Variants in ZNF155 observed in about 807,000 individuals in gnomAD.
The protein encoded by ZNF155 is zinc finger protein 155.
A neutral mutation model predicts 11.9 loss-of-function variants in ZNF155; 15 were observed. The ratio of observed to expected loss-of-function variants is 1.26; its 90% CI spans 0.84 to 1.94. The LOEUF is 1.94. ZNF155 is among the 30% of genes most tolerant of loss of function. The pLI, the probability that ZNF155 is intolerant of heterozygous loss-of-function variation, is 0.00. For synonymous variants in ZNF155, 212 were observed against 219.9 expected (o/e 0.96, Z 0.32); for missense variants, 602 against 639.1 (o/e 0.94, Z 0.63).
At chr19:43,992,068 G>A (rs1975685328) in intron 4 of ZNF155, 134 bp downstream of exon 4, 1 of 815,986 alleles carries the variant, frequency 1.2e-6, no homozygotes. Flanking sequence ...CTTCCAGTTG[G>A]TGGCCCTGTT....
chr19:43,989,923 G>C, intron 2 of ZNF155: 2 of 682,680 alleles, frequency 2.9e-6, no homozygotes, highest in Non-Finnish European at 4.4e-6. Context: ...AAAGGCCAAT[G>C]TAAAAGGAGA....
Position 43,991,946 on chromosome 19 carries a change from G to A in ZNF155, c.235+12G>A. On this transcript the variant is annotated intron_variant, in intron 4 of 4. Transcript: ENST00000270014. ...AGAAGGGAATTCAGGTAAGAACTAA[G>A]CATCTGTGTGTCCTTGTACCTGACT... The A allele has an allele frequency of 3.1e-6, 5 of 1,609,206 alleles. No homozygotes were observed. Among genetic ancestry groups the A allele is most frequent in the Non-Finnish European group, 4.2e-6 (5 of 1,176,772 alleles).
chr19:43,986,031 G>A (rs1975429550), intron 1 of ZNF155, among the ~76,000 whole-genome samples: 1 of 152,140 alleles, frequency 6.6e-6, no homozygotes, highest in African/African-American at 2.4e-5. Flanking sequence ...TTGATTGAAG[G>A]GACCTTGAGA....
At chr19:43,986,741 G>T (rs181144442) in intron 1 of ZNF155, among the ~76,000 whole-genome samples, 1 of 152,086 alleles carries the variant, frequency 6.6e-6, no homozygotes, top group South Asian at 2.1e-4. Flanking sequence ...GAGCCACGGC[G>T]CCCAGCCCCC....
chr19:43,990,777 G>A lies in ZNF155; in HGVS notation c.16-771G>A, dbSNP rs551891626. 7.9e-5 allele frequency among the ~76,000 whole-genome samples: 12 copies of A among 152,304 alleles called. No homozygotes were observed. The South Asian group carries it at 1.7e-3, about 21-fold the overall frequency. On this transcript the variant is annotated intron_variant, in intron 2 of 4. Transcript: ENST00000270014. ...AACACGATCTCACTCAACAGATTAC[G>A]TGAAGCAGATTTGTTATCTACAAAT...
intron 4 of ZNF155, among the ~76,000 whole-genome samples, chr19:43,993,883 T>G (rs924167322): frequency 6.6e-6 from 1 of 152,214 alleles, no homozygotes; most frequent in Non-Finnish European, 1.5e-5. Context: ...GACAAAGTTT[T>G]GAATGTTTTG....
intron 4 of ZNF155, among the ~76,000 whole-genome samples, chr19:43,994,938 A>G (rs542044345): frequency 6.6e-6 from 1 of 152,208 alleles, no homozygotes; most frequent in African/African-American, 2.4e-5. Context: ...CAATCCCCCA[A>G]AGGATTTGCC....
chr19:43,996,615 T>A lies in ZNF155; in HGVS notation c.758T>A (p.Leu253Ter). The A allele has an allele frequency of 6.2e-7, 1 of 1,612,920 alleles. No homozygotes were observed. The highest frequency in any genetic ancestry group is 2.2e-5 in the East Asian group (1 of 44,834). ...RRSALNVHRKLHTGEKPYICE... is the reference protein window; with the variant it reads ...RRSALNVHRK ...TCAGCACTTAATGTTCATCGTAAATTACACACAGGAGAGAAACCTTACATT... is the reference window on the plus strand; with the variant it reads ...TCAGCACTTAATGTTCATCGTAAATAACACACAGGAGAGAAACCTTACATT... Residue 253 changes from leucine (L) to a stop codon, truncating the protein, a stop_gained, in exon 5 of 5, where the codon TTA (leucine) becomes TAA (stop). Coordinates refer to ENST00000270014, the MANE Select transcript of ZNF155 (RefSeq NM_198089.3). LOFTEE classifies it low-confidence loss of function (END_TRUNC).
chr19:43,995,662 G>A lies in ZNF155; in HGVS notation c.236-431G>A, dbSNP rs542283551. ...GCTGGGATTAAAGGCTTGAGCCACC[G>A]CACCTGGCCTAGTTTAACTTCTTTA... On this transcript the variant is annotated intron_variant, in intron 4 of 4. Coordinates refer to ENST00000270014, the MANE Select transcript of ZNF155 (RefSeq NM_198089.3). Among the ~76,000 whole-genome samples, 3 of 152,200 alleles carry A rather than the reference G, an allele frequency of 2.0e-5. No individual in the cohort carries two copies. The South Asian group carries it at 6.2e-4, about 32-fold the overall frequency.
Position 43,996,082 on chromosome 19 carries a change from TG to T in ZNF155, c.236-10del, listed in dbSNP as rs1443076336. 2.5e-6 allele frequency: 4 copies of T among 1,583,154 alleles called. No individual in the cohort carries two copies. The highest frequency in any genetic ancestry group is 3.4e-6 in the Non-Finnish European group (4 of 1,165,042). On this transcript the variant is annotated splice_polypyrimidine_tract_variant and intron_variant, in intron 4 of 4. Coordinates refer to ENST00000270014, the MANE Select transcript of ZNF155 (RefSeq NM_198089.3). ...CACCTGTACACATCTCTTAAATCTGTGTCTTTATAGGAGGCAAGATCCAAAC... is the reference window on the plus strand; with the variant it reads ...CACCTGTACACATCTCTTAAATCTGTTCTTTATAGGAGGCAAGATCCAAAC...
chr19:43,991,885 A>C lies in ZNF155; in HGVS notation c.186A>C (p.Glu62Asp). Residue 62 changes from glutamate (E) to aspartate (D), a missense_variant, in exon 4 of 5, where the codon GAA becomes GAC. By Grantham distance (45) the Glu-to-Asp change is conservative (BLOSUM62 2). Coordinates refer to ENST00000270014, the MANE Select transcript of ZNF155 (RefSeq NM_198089.3). ...FHQDTCHFLR[E>D]EKFWMMGTAT... ...AAGATACTTGCCACTTCCTAAGGGA[A>C]GAAAAGTTTTGGATGATGGGGACAG... 1.2e-6 allele frequency: 2 copies of C among 1,614,060 alleles called. No homozygotes were observed. The highest frequency in any genetic ancestry group is 1.7e-6 in the Non-Finnish European group (2 of 1,179,966).
chr19:43,988,130 A>G (rs1010421229), intron 1 of ZNF155, among the ~76,000 whole-genome samples: 3 of 152,208 alleles, frequency 2.0e-5, no homozygotes, highest in Non-Finnish European at 4.4e-5. Flanking sequence ...CTTAAAAAAT[A>G]AAAACTCATT....
At position 43,997,037 on chromosome 19, in the gene ZNF155, C is replaced by T. The variant is rs1975911489; in HGVS notation, c.1180C>T (p.His394Tyr). 1 of 1,614,018 alleles carries T rather than the reference C, an allele frequency of 6.2e-7. No individual in the cohort carries two copies. The change falls in exon 5 of 5, where the codon CAC becomes TAC. Residue 394 changes from histidine to tyrosine, a missense_variant. Coordinates refer to ENST00000270014, the MANE Select transcript of ZNF155 (RefSeq NM_198089.3). Reference sequence around the variant, plus strand: ...ATGCCTTTTGAACCATCAGCGAGTCCACAGTGGAGAAAAAAGCTTCAAATG... The same window carrying T: ...ATGCCTTTTGAACCATCAGCGAGTCTACAGTGGAGAAAAAAGCTTCAAATG... ...SSCLLNHQRVHSGEKSFKCEE... is the reference protein window; with the variant it reads ...SSCLLNHQRVYSGEKSFKCEE...
At position 43,996,737 on chromosome 19, in the gene ZNF155, G is replaced by T; in HGVS notation, c.880G>T (p.Gly294Cys). The change falls in exon 5 of 5, where the codon GGT (glycine) becomes TGT (cysteine). Residue 294 changes from glycine (G) to cysteine (C), a missense_variant. Physicochemically the swap from Gly to Cys is radical, Grantham distance 159 (BLOSUM62 -3). Transcript: ENST00000270014. ...GEKPFKCDIC[G>C]KTFYFRSRLK... is the part of the protein sequence containing the mutation. ...GAAACCATTCAAATGTGATATATGTGGTAAGACCTTCTATTTTAGGTCAAG... is the reference window on the plus strand; with the variant it reads ...GAAACCATTCAAATGTGATATATGTTGTAAGACCTTCTATTTTAGGTCAAG... 4.3e-6 allele frequency: 7 copies of T among 1,614,094 alleles called. No homozygotes were observed. Among genetic ancestry groups the T allele is most frequent in the Non-Finnish European group, 5.9e-6 (7 of 1,179,990 alleles).
rs1210249352 is a variant in ZNF155, at chr19:43,988,562, A to AG, written c.15+10dup. ...AGGAAAAATGACCACATTCAAGGTG[A>AG]GGGGGGCGTGCCTCTCTCGCTGTTA... is the stretch of plus-strand genomic sequence containing the variant. On this transcript the variant is annotated splice_donor_region_variant and intron_variant, in intron 2 of 4. Coordinates refer to ENST00000270014, the MANE Select transcript of ZNF155 (RefSeq NM_198089.3). 5.6e-6 allele frequency: 9 copies of AG among 1,602,602 alleles called. No homozygotes were observed. Among genetic ancestry groups the AG allele is most frequent in the South Asian group, 4.5e-5 (4 of 89,376 alleles).
chr19:43,997,431 T>G lies in ZNF155; in HGVS notation c.1574T>G (p.Leu525Trp). Reference protein sequence around the residue: ...EDCGRRYKRRLNLDILLSLFL... With the variant: ...EDCGRRYKRRWNLDILLSLFL... ...TGTGGGAGACGCTACAAGAGGCGCT[T>G]GAATCTGGATATACTTTTATCATTA... Residue 525 changes from leucine to tryptophan, a missense_variant, in exon 5 of 5, where the codon TTG becomes TGG. Leu to Trp is a moderately conservative substitution (Grantham distance 61). Transcript: ENST00000270014. The G allele has an allele frequency of 6.2e-7, 1 of 1,604,054 alleles. No individual in the cohort carries two copies.
In ZNF155 at chr19:43,996,210, T is replaced by C. The variant is rs368053728; in HGVS notation, c.353T>C (p.Ile118Thr). The C allele has an allele frequency of 9.3e-6, 15 of 1,614,048 alleles. No individual in the cohort carries two copies. In the African/African-American group the frequency reaches 1.3e-4, roughly 14 times the overall value. Residue 118 changes from isoleucine (I) to threonine (T), a missense_variant, in exon 5 of 5, where the codon ATC (isoleucine) becomes ACC (threonine). By Grantham distance (89) the Ile-to-Thr change is moderately conservative. Transcript: ENST00000270014. ...GACTTAACCAGGTCTCAGGACTCTA[T>C]CATAAATAACTCTCAGTTCTTTGAA... Reference protein sequence around the residue: ...AKDLTRSQDSIINNSQFFENG... With the variant: ...AKDLTRSQDSTINNSQFFENG...
Position 43,997,280 on chromosome 19 carries a change from A to AT in ZNF155, c.1423_1424insT (p.Lys475IlefsTer13). ...CCGGGCCTCAAGTATTTTGAATCAT[A>AT]AGAGACTCCACTGCCAGAAAAAACC... On this transcript the variant is annotated frameshift_variant, in exon 5 of 5. Transcript: ENST00000270014. LOFTEE classifies it low-confidence loss of function (END_TRUNC). 1 of 1,614,140 alleles carries AT rather than the reference A, an allele frequency of 6.2e-7. No individual in the cohort carries two copies. Among genetic ancestry groups the AT allele is most frequent in the South Asian group, 1.1e-5 (1 of 91,082 alleles).
intron 2 of ZNF155, among the ~76,000 whole-genome samples, 169 bp from the exon 3 acceptor site, chr19:43,991,379 A>T (rs1354877529): frequency 6.6e-6 from 1 of 152,170 alleles, no homozygotes; most frequent in Non-Finnish European, 1.5e-5. Context: ...GAAAATCAGT[A>T]TGTGTCATTG....
Sources: allele counts gnomAD v4.1 joint callset (sites outside exome capture counted in the v4.1 genomes callset), GRCh38; gene constraint gnomAD v4.1.1; transcripts MANE v1.5; gene names NCBI Gene and HGNC (gene_info 2026-07-23, HGNC 2026-07-21).